LCLAT1: variants seen among roughly 807,000 people sequenced by gnomAD.
LCLAT1 encodes the protein 1-AGP acyltransferase 8.
A neutral mutation model predicts 30.7 loss-of-function variants in LCLAT1; 11 were observed. That is an observed-to-expected ratio of 0.36 (90% confidence interval 0.23 to 0.59). The LOEUF is 0.59. Among genes scored for constraint, LCLAT1 ranks in the 20% least tolerant of loss-of-function variants. LCLAT1 has a pLI of 0.77. For missense variants in LCLAT1, 402 were observed against 458.6 expected (o/e 0.88, Z 1.13); for synonymous variants, 155 against 151.3 (o/e 1.02, Z -0.18).
chr2:30,607,845 CTGTGTGTGTGTGTGTG>C (rs55801578), intron 5 of LCLAT1: 4,724 of 138,358 alleles, frequency 0.034, 134 homozygotes, highest in African/African-American at 0.073. Context: ...TAGGCCTAGG[CTGTGTGTGTGTGTGTG>C]TGTGTGTGTG....
At chr2:30,612,043 G>A (rs1340287867) in intron 5 of LCLAT1, among the ~76,000 whole-genome samples, 1 of 152,108 alleles carries the variant, frequency 6.6e-6, no homozygotes, top group Non-Finnish European at 1.5e-5. Context: ...TTTCTTTTCT[G>A]TGAGGAAAAG....
intron 1 of LCLAT1, among the ~76,000 whole-genome samples, chr2:30,471,436 C>T (rs975022694): frequency 6.6e-6 from 1 of 152,034 alleles, no homozygotes; most frequent in South Asian, 2.1e-4. Context: ...TCTTGAACTC[C>T]TGACCTCAAG....
At chr2:30,624,585 A>G (rs527925704) in intron 5 of LCLAT1, among the ~76,000 whole-genome samples, 1 of 152,362 alleles carries the variant, frequency 6.6e-6, no homozygotes, top group African/African-American at 2.4e-5. Context: ...CTAAATATGT[A>G]TGCATCTAAC....
At chr2:30,521,623 C>T (rs1279634935) in intron 1 of LCLAT1, among the ~76,000 whole-genome samples, 1 of 150,302 alleles carries the variant, frequency 6.7e-6, no homozygotes, top group Non-Finnish European at 1.5e-5. Flanking sequence ...TCTTCTACCT[C>T]ACCCTCCCTA....
intron 5 of LCLAT1, among the ~76,000 whole-genome samples, chr2:30,595,250 C>T (rs116454034): frequency 6.6e-6 from 1 of 152,054 alleles, no homozygotes; most frequent in Middle Eastern, 3.2e-3. Flanking sequence ...TGACCACTAT[C>T]CTTTGTGGGG....
At chr2:30,592,690 A>C (rs904717989) in intron 5 of LCLAT1, among the ~76,000 whole-genome samples, 2 of 152,216 alleles carry the variant, frequency 1.3e-5, no homozygotes, top group Non-Finnish European at 2.9e-5. Context: ...CTATTTAAAT[A>C]TATTTAGTTA....
chr2:30,511,280 G>A (rs753331425), intron 1 of LCLAT1, among the ~76,000 whole-genome samples: 1 of 152,128 alleles, frequency 6.6e-6, no homozygotes, highest in Non-Finnish European at 1.5e-5. Context: ...CTCCCAAAGT[G>A]CTAGGATTAC....
intron 3 of LCLAT1, among the ~76,000 whole-genome samples, chr2:30,540,821 C>T (rs918313067): frequency 2.6e-5 from 4 of 151,942 alleles, no homozygotes; most frequent in Admixed American, 1.3e-4. Flanking sequence ...CCTGCCACCA[C>T]GCCCGGCTAC....
intron 1 of LCLAT1, among the ~76,000 whole-genome samples, chr2:30,507,265 T>G (rs1422300697): frequency 1.3e-5 from 2 of 152,176 alleles, no homozygotes; most frequent in African/African-American, 4.8e-5. Flanking sequence ...AGTATTTGAT[T>G]AGAGATTACA....
Position 30,640,766 on chromosome 2 carries a change from T to G in LCLAT1, c.*147T>G. 1 of 1,029,190 alleles carries G rather than the reference T, an allele frequency of 9.7e-7. No individual in the cohort carries two copies. 63.8% of individuals were successfully genotyped at this position (1,029,190 alleles called of 1,614,324 possible). On this transcript the variant is annotated 3_prime_UTR_variant, in exon 6 of 6. Transcript: ENST00000379509. ...TAAAGATATTTTGCACTTAATTTTG[T>G]GGGAAAAATATTGCTACAATTTTTT...
intron 3 of LCLAT1, among the ~76,000 whole-genome samples, chr2:30,541,675 C>G (rs961003607): frequency 6.6e-6 from 1 of 152,134 alleles, no homozygotes; most frequent in East Asian, 1.9e-4. Flanking sequence ...TACTTACATT[C>G]AATAAAATTA....
intron 5 of LCLAT1, among the ~76,000 whole-genome samples, chr2:30,581,065 G>T (rs1243302400): frequency 6.6e-6 from 1 of 152,106 alleles, no homozygotes. Context: ...GGGGATGGAG[G>T]TGATTAATCA....
In LCLAT1 at chr2:30,608,324, T is replaced by G. The variant is rs544399442; in HGVS notation, c.629-31793T>G. ...TCAAAAAAAAAAAAAAATTTATAAG[T>G]TTAGAGTAAAAAAGTTACAGTAAGC... On this transcript the variant is annotated intron_variant, in intron 5 of 5. Transcript: ENST00000379509. 3.8e-4 allele frequency among the ~76,000 whole-genome samples: 57 copies of G among 151,914 alleles called. 3 individuals carry two copies. In the South Asian group the frequency reaches 0.011, roughly 30 times the overall value.
intron 5 of LCLAT1, among the ~76,000 whole-genome samples, chr2:30,599,938 A>C (rs528196492): frequency 6.6e-6 from 1 of 152,282 alleles, no homozygotes; most frequent in South Asian, 2.1e-4. Context: ...AATATGTTTG[A>C]ATTCGACCCT....
intron 1 of LCLAT1, among the ~76,000 whole-genome samples, chr2:30,484,296 A>G (rs829685): frequency 0.096 from 14,549 of 152,206 alleles, 746 homozygotes; most frequent in East Asian, 0.13. Flanking sequence ...ATTTCCCATA[A>G]AGGAGTTCTA....
intron 1 of LCLAT1, chr2:30,459,746 TG>T (rs1387388656): frequency 6.6e-7 from 1 of 1,521,786 alleles, no homozygotes; most frequent in African/African-American, 1.4e-5. Context: ...ATGATTTAGA[TG>T]CTTGAGGTTT....
rs10710753 is a variant in LCLAT1 at position 30,454,619 on chromosome 2, A to AT, written c.-5+7251dup. On this transcript the variant is annotated intron_variant, in intron 1 of 5. Transcript: ENST00000379509. Reference sequence around the variant, plus strand: ...AGGCATGTGCCACCGCGTCTGGCTAATTTTTTTTTTTTTTTGTAGAGATAT... The same window carrying AT: ...AGGCATGTGCCACCGCGTCTGGCTAATTTTTTTTTTTTTTTTGTAGAGATAT... Among the ~76,000 whole-genome samples the AT allele has an allele frequency of 2.1e-3, 297 of 143,330 alleles. 4 individuals are homozygous for AT. The highest frequency in any genetic ancestry group is 1.3e-3 in the Non-Finnish European group (87 of 65,324). 94.0% of individuals were successfully genotyped at this position (143,330 alleles called of 152,430 possible). A position where few individuals can be genotyped will look rare whatever the true frequency, so the allele number is the denominator to read the frequency against.
At chr2:30,465,532 C>T (rs1682375437) in intron 1 of LCLAT1, among the ~76,000 whole-genome samples, 1 of 152,082 alleles carries the variant, frequency 6.6e-6, no homozygotes, top group Admixed American at 6.5e-5. Flanking sequence ...AGGGCTGTGC[C>T]CCTTTTATTA....
intron 5 of LCLAT1, among the ~76,000 whole-genome samples, chr2:30,576,365 A>G (rs1665993193): frequency 6.6e-6 from 1 of 152,146 alleles, no homozygotes; most frequent in Admixed American, 6.6e-5. Flanking sequence ...TGAGAGATAG[A>G]AAACAACTTC....
Sources: allele counts gnomAD v4.1 joint callset (sites outside exome capture counted in the v4.1 genomes callset), GRCh38; gene constraint gnomAD v4.1.1; transcripts MANE v1.5; gene names NCBI Gene and HGNC (gene_info 2026-07-23, HGNC 2026-07-21).